ADGRB1: variants seen among roughly 807,000 people sequenced by gnomAD.
ADGRB1 encodes the protein brain-specific angiogenesis inhibitor 1.
ADGRB1 carries 36 observed loss-of-function variants against 175.7 expected under a neutral mutation model. That is an observed-to-expected ratio of 0.20 (90% confidence interval 0.16 to 0.27). The LOEUF is 0.27. Ranked by LOEUF, ADGRB1 falls within the 10% of genes least tolerant of loss-of-function variation. The pLI, the probability that ADGRB1 is intolerant of heterozygous loss-of-function variation, is 1.00. For synonymous variants in ADGRB1, 1,054 were observed against 979.4 expected, an observed-to-expected ratio of 1.08 and a Z score of -1.42; for missense variants, 1,731 against 2,255.3, an observed-to-expected ratio of 0.77 and a Z score of 4.71.
Position 142,510,924 on chromosome 8 carries a change from GCCCCCAGACCCTCCTCCTCCGCCCC to G in ADGRB1, c.2676-4_2696del. 1 of 343,332 alleles carries G rather than the reference GCCCCCAGACCCTCCTCCTCCGCCCC, an allele frequency of 2.9e-6. No homozygotes were observed. Among genetic ancestry groups the G allele is most frequent in the Non-Finnish European group, 4.2e-6 (1 of 240,554 alleles). 21.3% of individuals were successfully genotyped at this position (343,332 alleles called of 1,614,324 possible). On this transcript the variant is annotated splice_acceptor_variant and splice_polypyrimidine_tract_variant and coding_sequence_variant and intron_variant, in exon 18 of 31. Coordinates refer to ENST00000517894, the MANE Select transcript of ADGRB1 (RefSeq NM_001702.3). LOFTEE classifies it high-confidence loss of function. The surrounding 1 kb of genome is among the most constrained non-coding windows in gnomAD (Gnocchi z 6.3). The stretch of plus-strand genomic sequence containing the variant: ...CCTGTCTCCCTCCCGTGTCCCGCCC[GCCCCCAGACCCTCCTCCTCCGCCCC>G]CCCGCAGCTCGGGCCCTGGTCGTGG...
At chr8:142,506,034 G>A (rs574269140) in intron 17 of ADGRB1, among the ~76,000 whole-genome samples, 3 of 152,208 alleles carry the variant, frequency 2.0e-5, no homozygotes, top group African/African-American at 2.4e-5. Context: ...GCCTGTGGGC[G>A]CCTGTGGGAC....
At position 142,511,535 on chromosome 8, in the gene ADGRB1, G is replaced by A. The variant is rs569920565; in HGVS notation, c.2817+462G>A. On this transcript the variant is annotated intron_variant, in intron 18 of 30. Coordinates refer to ENST00000517894, the MANE Select transcript of ADGRB1 (RefSeq NM_001702.3). This position sits in a 1 kb window ranked among gnomAD's most constrained non-coding sequence, Gnocchi z 4.5. ...CTTCGACCCACCCCAAGTAGAGCCT[G>A]GTCCGTGGAGGAGGAGGTGGCGGTG... 1.3e-5 allele frequency among the ~76,000 whole-genome samples: 2 copies of A among 152,314 alleles called. No homozygotes were observed. The highest frequency in any genetic ancestry group is 2.4e-5 in the African/African-American group (1 of 41,584).
chr8:142,541,070 A>G (rs1845244104), intron 27 of ADGRB1, among the ~76,000 whole-genome samples: 1 of 151,950 alleles, frequency 6.6e-6, no homozygotes, highest in Non-Finnish European at 1.5e-5. Context: ...GTGGGTAACC[A>G]TCTGCCAGCC....
chr8:142,462,785 G>T (rs2131666494), intron 1 of ADGRB1, among the ~76,000 whole-genome samples: 1 of 152,376 alleles, frequency 6.6e-6, no homozygotes, highest in Admixed American at 6.5e-5. Context: ...AGGCTCAACT[G>T]CTGGGTGGGA....
Position 142,543,266 on chromosome 8 carries a change from T to G in ADGRB1, c.4414-137T>G. 8.7e-7 allele frequency: 1 copy of G among 1,152,396 alleles called. No homozygotes were observed. Among genetic ancestry groups the G allele is most frequent in the Non-Finnish European group, 1.3e-6 (1 of 799,848 alleles). 71.4% of individuals were successfully genotyped at this position (1,152,396 alleles called of 1,614,324 possible). A position where few individuals can be genotyped will look rare whatever the true frequency, so the allele number is the denominator to read the frequency against. On this transcript the variant is annotated intron_variant, in intron 28 of 30. Coordinates refer to ENST00000517894, the MANE Select transcript of ADGRB1 (RefSeq NM_001702.3). This position sits in a 1 kb window ranked among gnomAD's most constrained non-coding sequence, Gnocchi z 4.4. Reference sequence around the variant, plus strand: ...AGCTGCCTCAGTGCGCCCCCAGGCATGTCCCCTGGGTCTGGCCTGGTCCCT... The same window carrying G: ...AGCTGCCTCAGTGCGCCCCCAGGCAGGTCCCCTGGGTCTGGCCTGGTCCCT...
chr8:142,514,248 C>T (rs1307718568), intron 18 of ADGRB1, among the ~76,000 whole-genome samples: 1 of 151,672 alleles, frequency 6.6e-6, no homozygotes, highest in Non-Finnish European at 1.5e-5. Context: ...TACGTGGGCA[C>T]CCCGGGAGCC....
At chr8:142,489,253 G>A in intron 15 of ADGRB1, 83 bp from the exon 16 acceptor site, 1 of 1,566,800 alleles carries the variant, frequency 6.4e-7, no homozygotes, top group Admixed American at 1.7e-5. Context: ...GGGTACAGGG[G>A]CCCTCGGGGG....
chr8:142,528,030 C>T (rs972352777), intron 24 of ADGRB1, among the ~76,000 whole-genome samples: 4 of 152,184 alleles, frequency 2.6e-5, no homozygotes, highest in East Asian at 1.9e-4. Flanking sequence ...CACCCAGACT[C>T]GCCTGTGTGG....
intron 22 of ADGRB1, 97 bp from the exon 23 acceptor site, chr8:142,524,141 C>A (rs1054812175): frequency 6.7e-6 from 9 of 1,352,094 alleles, no homozygotes; most frequent in Non-Finnish European, 3.1e-6. Flanking sequence ...TTTTCTTCTG[C>A]CACTTCCCAG....
chr8:142,489,756 GC>G (rs1179781197), intron 16 of ADGRB1, among the ~76,000 whole-genome samples: 1 of 152,090 alleles, frequency 6.6e-6, no homozygotes, highest in Non-Finnish European at 1.5e-5. Context: ...ATGACTTCTG[GC>G]CCCCTAACGC....
intron 12 of ADGRB1, among the ~76,000 whole-genome samples, chr8:142,484,338 G>T (rs1318901621): frequency 3.3e-5 from 5 of 152,150 alleles, no homozygotes; most frequent in Non-Finnish European, 7.4e-5. Flanking sequence ...TCCTCATGTT[G>T]GGGCAGTGGG....
At position 142,455,159 on chromosome 8, in the gene ADGRB1, C is replaced by T. The variant is rs1839594756; in HGVS notation, c.-220+5055C>T. Among the ~76,000 whole-genome samples, 4 of 149,766 alleles carry T rather than the reference C, an allele frequency of 2.7e-5. No homozygotes were observed. On this transcript the variant is annotated intron_variant, in intron 1 of 30. Transcript: ENST00000517894. This position sits in a 1 kb window ranked among gnomAD's most constrained non-coding sequence, Gnocchi z 4.9. ...CCGAGGCTACCTCAGCCGCACCCTG[C>T]CGCCGGCACCACACTGCACCATCAT...
At chr8:142,512,556 G>T (rs915258755) in intron 18 of ADGRB1, among the ~76,000 whole-genome samples, 13 of 152,296 alleles carry the variant, frequency 8.5e-5, no homozygotes, top group African/African-American at 2.9e-4. Flanking sequence ...CCGGTGTCAG[G>T]CCTGCAGCAG....
intron 17 of ADGRB1, among the ~76,000 whole-genome samples, chr8:142,509,991 G>A (rs76564779): frequency 0.018 from 2,732 of 152,278 alleles, 94 homozygotes; most frequent in African/African-American, 0.063. Flanking sequence ...GGTCTGTGAA[G>A]GAGGGACACG....
rs1187368095 is a variant in ADGRB1 at position 142,542,030 on chromosome 8, C to T, written c.3796C>T (p.Leu1266=). Residue 1266 remains leucine, a synonymous_variant, in exon 28 of 31, where the codon CTG becomes TTG. Transcript: ENST00000517894. The surrounding 1 kb of genome is among the most constrained non-coding windows in gnomAD (Gnocchi z 6.3). ...TCTGCCCGAGGAGGAGAAGCTGAAG[C>T]TGGCCCATGCCAAGGGGCCGCCCAC... The part of the protein sequence containing the change: ...PSLPEEEKLK[L]AHAKGPPTNF... The T allele has an allele frequency of 9.9e-6, 16 of 1,609,326 alleles. No homozygotes were observed. In the Admixed American group the frequency reaches 1.7e-4, roughly 17 times the overall value.
chr8:142,452,234 G>A (rs935994565), intron 1 of ADGRB1, among the ~76,000 whole-genome samples: 4 of 152,238 alleles, frequency 2.6e-5, no homozygotes, highest in Non-Finnish European at 5.9e-5. Flanking sequence ...GAGACCCGGC[G>A]GCTGAGGGCC....
chr8:142,467,531 GAGA>G (rs574516211), intron 2 of ADGRB1, among the ~76,000 whole-genome samples: 20 of 152,306 alleles, frequency 1.3e-4, no homozygotes, highest in African/African-American at 3.6e-4. Flanking sequence ...GGTTGCAGAG[GAGA>G]AGAAGATCTG....
chr8:142,453,221 G>C (rs897200635), intron 1 of ADGRB1, among the ~76,000 whole-genome samples: 1 of 152,190 alleles, frequency 6.6e-6, no homozygotes, highest in Non-Finnish European at 1.5e-5. Flanking sequence ...GCCCGTCCGG[G>C]AGGCTGGGGG....
intron 11 of ADGRB1, among the ~76,000 whole-genome samples, chr8:142,482,334 GA>G (rs1326657541): frequency 6.8e-6 from 1 of 147,512 alleles, no homozygotes; most frequent in Non-Finnish European, 1.5e-5. Context: ...TCTGAGCCCT[GA>G]TCCTGGTCAC....
Sources: allele counts gnomAD v4.1 joint callset (sites outside exome capture counted in the v4.1 genomes callset), GRCh38; gene constraint gnomAD v4.1.1; non-coding constraint Gnocchi (gnomAD v3.1); transcripts MANE v1.5; gene names NCBI Gene and HGNC (gene_info 2026-07-23, HGNC 2026-07-21).